ARHGAP21: variants seen among roughly 807,000 people sequenced by gnomAD.
The protein encoded by ARHGAP21 is rho GTPase-activating protein 21.
Under a neutral mutation model 164.6 loss-of-function variants are expected in ARHGAP21, and 38 were observed. The ratio of observed to expected loss-of-function variants is 0.23; its 90% CI spans 0.18 to 0.30. ARHGAP21 has a LOEUF of 0.30. Among genes scored for constraint, ARHGAP21 ranks in the 10% least tolerant of loss-of-function variants. The pLI is 1.00. For missense variants in ARHGAP21, 1,822 were observed against 2,370.7 expected (o/e 0.77, Z 4.81); for synonymous variants, 766 against 857.9 (o/e 0.89, Z 1.87).
intron 11 of ARHGAP21, among the ~76,000 whole-genome samples, chr10:24,606,081 A>T (rs2077012448): frequency 6.6e-6 from 1 of 152,180 alleles, no homozygotes; most frequent in Non-Finnish European, 1.5e-5. Context: ...AATTTGAATA[A>T]ATTAATTCCA....
Position 24,722,120 on chromosome 10 carries a change from T to A in ARHGAP21, c.-221A>T. The stretch of plus-strand genomic sequence containing the variant: ...ACTTCAACTGACTTCGCCTTCTTCT[T>A]CCATTTCTGGAGACTTAAAAACAAA... On this transcript the variant is annotated 5_prime_UTR_variant, in exon 2 of 26. Coordinates refer to ENST00000396432, the MANE Select transcript of ARHGAP21 (RefSeq NM_020824.4). 1 of 587,752 alleles carries A rather than the reference T, an allele frequency of 1.7e-6. No homozygotes were observed. The highest frequency in any genetic ancestry group is 2.0e-5 in the South Asian group (1 of 50,196). 36.4% of individuals were successfully genotyped at this position (587,752 alleles called of 1,614,324 possible). A position where few individuals can be genotyped will look rare whatever the true frequency, so the allele number is the denominator to read the frequency against.
intron 9 of ARHGAP21, among the ~76,000 whole-genome samples, chr10:24,611,724 GA>G (rs1041558037): frequency 7.5e-5 from 11 of 145,956 alleles, no homozygotes; most frequent in South Asian, 2.2e-4. Context: ...AAAAAAGAAG[GA>G]AAAAAAAAAG....
chr10:24,681,411 C>T (rs1841741362), intron 2 of ARHGAP21, among the ~76,000 whole-genome samples: 3 of 152,240 alleles, frequency 2.0e-5, no homozygotes, highest in African/African-American at 7.2e-5. Context: ...AAAGTAAATG[C>T]AAGGGAATTA....
Position 24,634,177 on chromosome 10 carries a change from T to G in ARHGAP21, c.362-697A>C, listed in dbSNP as rs138917383. Among the ~76,000 whole-genome samples, 356 of 152,168 alleles carry G rather than the reference T, an allele frequency of 2.3e-3. 2 individuals carry two copies. Among genetic ancestry groups the G allele is most frequent in the African/African-American group, 8.0e-3 (332 of 41,542 alleles). ...TGATACATTCTAAAGAAATCCCACA[T>G]GCATACTAATATACATATTATACAT... On this transcript the variant is annotated intron_variant, in intron 5 of 25. Transcript: ENST00000396432.
At chr10:24,633,536 C>G (rs1447130865) in intron 5 of ARHGAP21, 56 bp from the exon 6 acceptor site, 6 of 1,188,872 alleles carry the variant, frequency 5.0e-6, no homozygotes, top group African/African-American at 1.5e-5. Context: ...CACTTTTGAA[C>G]ACTTTTGAAA....
chr10:24,678,486 TTC>T (rs1388922315), intron 2 of ARHGAP21, among the ~76,000 whole-genome samples: 10 of 152,242 alleles, frequency 6.6e-5, no homozygotes, highest in Admixed American at 5.9e-4. Context: ...TTTGGTTTGT[TTC>T]TGTCTTTTTG....
intron 2 of ARHGAP21, among the ~76,000 whole-genome samples, chr10:24,695,074 A>G (rs1198435020): frequency 2.4e-4 from 3 of 12,418 alleles, no homozygotes; most frequent in African/African-American, 5.1e-4. Flanking sequence ...AAAAAAAAAA[A>G]AAAAAAAAAA....
intron 9 of ARHGAP21, among the ~76,000 whole-genome samples, chr10:24,609,108 A>C (rs574130362): frequency 1.2e-4 from 18 of 152,338 alleles, no homozygotes; most frequent in African/African-American, 4.3e-4. Context: ...ACTGATGTGA[A>C]GAGGAATACA....
chr10:24,638,015 C>A (rs946725923), intron 4 of ARHGAP21, among the ~76,000 whole-genome samples: 1 of 152,004 alleles, frequency 6.6e-6, no homozygotes, highest in African/African-American at 2.4e-5. Context: ...CAGGTGCCCG[C>A]CACCATGCCT....
intron 21 of ARHGAP21, 39 bp downstream of exon 21, chr10:24,594,911 C>G (rs368112429): frequency 1.3e-6 from 2 of 1,494,960 alleles, no homozygotes; most frequent in Non-Finnish European, 1.8e-6. Flanking sequence ...TAAACTAAAG[C>G]CACTAAAAGT....
chr10:24,647,932 G>T (rs545556780), intron 4 of ARHGAP21, among the ~76,000 whole-genome samples: 1 of 152,150 alleles, frequency 6.6e-6, no homozygotes, highest in Admixed American at 6.5e-5. Context: ...CTGCCTCTTG[G>T]GTTCAAGTGA....
At chr10:24,658,240 G>C (rs950147784) in intron 4 of ARHGAP21, among the ~76,000 whole-genome samples, 1 of 152,150 alleles carries the variant, frequency 6.6e-6, no homozygotes. Flanking sequence ...TTGTAAACTA[G>C]TTCAACCATT....
chr10:24,585,590 T>C lies in ARHGAP21; in HGVS notation c.4699A>G (p.Thr1567Ala). ...TCGCTATGTTTCGTTTCTGGACTGG[T>C]TGATTTCTTCATGGAAAACCTTGCC... ...SLARFSMKKS[T>A]SPETKHSEFL... The change falls in exon 26 of 26, where the codon ACC (threonine) becomes GCC (alanine). Residue 1567 changes from threonine to alanine, a missense_variant. Transcript: ENST00000396432. 6.2e-7 allele frequency: 1 copy of C among 1,614,208 alleles called. No individual in the cohort carries two copies. The highest frequency in any genetic ancestry group is 8.5e-7 in the Non-Finnish European group (1 of 1,180,046).
Position 24,670,496 on chromosome 10 carries a change from T to C in ARHGAP21, c.64-99A>G, listed in dbSNP as rs1217804101. Reference sequence around the variant, plus strand: ...AAATGTTAATACCTGAGCGCCGATATGAACTATTTTCTGATGCATAAACTA... The same window carrying C: ...AAATGTTAATACCTGAGCGCCGATACGAACTATTTTCTGATGCATAAACTA... On this transcript the variant is annotated intron_variant, in intron 2 of 25. Transcript: ENST00000396432. 8 of 714,372 alleles carry C rather than the reference T, an allele frequency of 1.1e-5. 1 individual carries two copies. The highest frequency in any genetic ancestry group is 1.1e-4 in the South Asian group (2 of 18,104). The allele number at this position is 714,372 out of a possible 1,614,324, so 44.3% of individuals were successfully genotyped here.
chr10:24,638,509 A>T (rs996765878), intron 4 of ARHGAP21, among the ~76,000 whole-genome samples: 20 of 152,204 alleles, frequency 1.3e-4, no homozygotes, highest in Non-Finnish European at 2.1e-4. Context: ...GCAGAACTAA[A>T]AGCCTGATCC....
intron 2 of ARHGAP21, among the ~76,000 whole-genome samples, chr10:24,719,129 A>ACACACACC (rs566976409): frequency 9.5e-4 from 139 of 147,024 alleles, no homozygotes; most frequent in Middle Eastern, 7.0e-3. Context: ...ACACACACAC[A>ACACACACC]CCCCAAAAAT....
chr10:24,720,393 T>C (rs1845809024), intron 2 of ARHGAP21, among the ~76,000 whole-genome samples: 1 of 152,220 alleles, frequency 6.6e-6, no homozygotes, highest in Admixed American at 6.5e-5. Flanking sequence ...GCAATACACA[T>C]TAAGCAATCA....
intron 2 of ARHGAP21, among the ~76,000 whole-genome samples, chr10:24,701,219 C>T (rs1166302053): frequency 6.6e-6 from 1 of 152,180 alleles, no homozygotes; most frequent in Admixed American, 6.5e-5. Flanking sequence ...CTCTTTCCCT[C>T]TTCCATTTGG....
intron 11 of ARHGAP21, among the ~76,000 whole-genome samples, chr10:24,604,739 G>A (rs1342224548): frequency 6.6e-6 from 1 of 152,090 alleles, no homozygotes; most frequent in East Asian, 1.9e-4. Context: ...GCCAGCTTCA[G>A]GGAGATGCTC....
Sources: gnomAD v4.1 joint callset for allele counts (sites outside exome capture counted in the v4.1 genomes callset) on GRCh38, gnomAD v4.1.1 for gene constraint, MANE v1.5 for transcripts, NCBI Gene and HGNC (gene_info 2026-07-23, HGNC 2026-07-21) for gene names.